Variants in SLC13A3 observed in about 807,000 individuals in gnomAD.
SLC13A3 encodes the protein solute carrier family 13 member 3, also known as Na(+)/dicarboxylate cotransporter 3.
A neutral mutation model predicts 59.0 loss-of-function variants in SLC13A3; 40 were observed. That is an observed-to-expected ratio of 0.68 (90% CI 0.53 to 0.88). The LOEUF (loss-of-function observed/expected upper bound fraction) is 0.88, where lower values mean the gene tolerates loss of function less well. SLC13A3 is among the 40% of genes least tolerant of loss of function. SLC13A3 has a pLI of 0.00. For missense variants in SLC13A3, 699 were observed against 783.2 expected (o/e 0.89, Z 1.28); for synonymous variants, 317 against 330.3 (o/e 0.96, Z 0.44).
chr20:46,573,628 G>A (rs1403691398), intron 10 of SLC13A3, among the ~76,000 whole-genome samples: 58 of 152,156 alleles, frequency 3.8e-4, no homozygotes, highest in Admixed American at 3.8e-3. Context: ...CTTCTTATCG[G>A]CTATATGTAT....
upstream of SLC13A3, among the ~76,000 whole-genome samples, chr20:46,674,084 G>C (rs928338978): frequency 6.6e-6 from 1 of 152,168 alleles, no homozygotes; most frequent in Non-Finnish European, 1.5e-5. Flanking sequence ...CAGTGGGAGA[G>C]AGTATGAGGG....
Position 46,651,345 on chromosome 20 carries a change from G to C in SLC13A3, c.77C>G (p.Ala26Gly). Residue 26 changes from alanine (A) to glycine (G), a missense_variant, in exon 1 of 13, where the codon GCG becomes GGG. By Grantham distance (60) the Ala-to-Gly change is moderately conservative. Transcript: ENST00000279027. Reference sequence around the variant, plus strand: ...GAGGGCGAAGACCACCGGCAGCAGCGCGAGCGGCGTGAACAGCAGCACCAG... The same window carrying C: ...GAGGGCGAAGACCACCGGCAGCAGCCCGAGCGGCGTGAACAGCAGCACCAG... ...RLLVLLFTPL[A>G]LLPVVFALPP... 6.6e-7 allele frequency: 1 copy of C among 1,514,516 alleles called. No homozygotes were observed. The highest frequency in any genetic ancestry group is 2.1e-5 in the Admixed American group (1 of 47,636). 93.8% of individuals were successfully genotyped at this position (1,514,516 alleles called of 1,614,324 possible). A position where few individuals can be genotyped will look rare whatever the true frequency, so the allele number is the denominator to read the frequency against.
chr20:46,589,130 T>C (rs2062226135), intron 7 of SLC13A3, 30 bp downstream of exon 7: 1 of 1,594,796 alleles, frequency 6.3e-7, no homozygotes, highest in Non-Finnish European at 8.6e-7. Flanking sequence ...AATACTCAGC[T>C]CTTTCCTTAA....
Position 46,558,779 on chromosome 20 carries a change from T to C in SLC13A3, c.*1243A>G, listed in dbSNP as rs1363546982. ...CCCTCAGAGGCTTAGGAAAGGGAAG[T>C]GTGACGAGTCAGGGCCCCTGGGCTG... On this transcript the variant is annotated 3_prime_UTR_variant, in exon 13 of 13. Transcript: ENST00000279027. The C allele has an allele frequency of 1.3e-5, 2 of 152,144 alleles. No homozygotes were observed. Among genetic ancestry groups the C allele is most frequent in the African/African-American group, 4.8e-5 (2 of 41,406 alleles). The allele number at this position is 152,144 out of a possible 1,614,324, so 9.4% of individuals were successfully genotyped here.
chr20:46,637,127 A>G (rs979436804), intron 1 of SLC13A3, among the ~76,000 whole-genome samples: 34 of 152,140 alleles, frequency 2.2e-4, no homozygotes, highest in African/African-American at 6.5e-4. Context: ...TATGTTTACC[A>G]TCATCCCAGC....
At chr20:46,598,924 C>T (rs983440015) in intron 4 of SLC13A3, among the ~76,000 whole-genome samples, 6 of 152,146 alleles carry the variant, frequency 3.9e-5, no homozygotes, top group African/African-American at 1.4e-4. Context: ...CTGGTCCACA[C>T]GCTGAGAACA....
chr20:46,637,333 T>C (rs1024234877), intron 1 of SLC13A3, among the ~76,000 whole-genome samples: 1 of 152,168 alleles, frequency 6.6e-6, no homozygotes, highest in African/African-American at 2.4e-5. Flanking sequence ...GACTTCGGGA[T>C]TTTGGCCAAG....
chr20:46,663,312 G>A (rs564769537), intron 1 of SLC13A3, among the ~76,000 whole-genome samples: 1 of 152,066 alleles, frequency 6.6e-6, no homozygotes, highest in South Asian at 2.1e-4. Flanking sequence ...GGCCATGGTG[G>A]TGCACGCCTG....
At chr20:46,607,785 C>G (rs1343379149) in intron 3 of SLC13A3, among the ~76,000 whole-genome samples, 1 of 152,178 alleles carries the variant, frequency 6.6e-6, no homozygotes, top group Non-Finnish European at 1.5e-5. Flanking sequence ...AGTCAGCCAG[C>G]CCGGATTCAA....
At chr20:46,626,682 C>A (rs1443963262) in intron 1 of SLC13A3, among the ~76,000 whole-genome samples, 1 of 152,152 alleles carries the variant, frequency 6.6e-6, no homozygotes, top group Non-Finnish European at 1.5e-5. Flanking sequence ...TGCTGCTGCC[C>A]CTCATCCCCT....
At chr20:46,604,656 T>C (rs2062418796) in intron 3 of SLC13A3, among the ~76,000 whole-genome samples, 1 of 152,124 alleles carries the variant, frequency 6.6e-6, no homozygotes. Flanking sequence ...TCATTTTTCC[T>C]GTGCCTGGAG....
chr20:46,671,457 G>A (rs1011074), upstream of SLC13A3, among the ~76,000 whole-genome samples: 28,254 of 151,868 alleles, frequency 0.19, 5,510 homozygotes, highest in African/African-American at 0.5. Context: ...TGAAAACCCA[G>A]CCTACAACAC....
rs555609021 is a variant in SLC13A3, at chr20:46,684,227, T to C, written c.-31+169A>G. On this transcript the variant is annotated intron_variant, in intron 1 of 6. Coordinates refer to the SLC13A3 transcript ENST00000372121. The stretch of plus-strand genomic sequence containing the variant: ...TTTCCTTCACATCTTCACTCATCAC[T>C]GTCTGAAACTGTCTTATGTTCCCCA... 167 of 152,490 alleles carry C rather than the reference T, an allele frequency of 1.1e-3. 1 individual carries two copies. The South Asian group carries it at 0.033, about 30-fold the overall frequency. The allele number at this position is 152,490 out of a possible 1,614,324, so 9.4% of individuals were successfully genotyped here.
At position 46,603,467 on chromosome 20, in the gene SLC13A3, C is replaced by G. The variant is rs570111321; in HGVS notation, c.542-3430G>C. On this transcript the variant is annotated intron_variant, in intron 3 of 12. Coordinates refer to ENST00000279027, the MANE Select transcript of SLC13A3 (RefSeq NM_022829.6). ...ACAGCTCACAACAGCCTCGACATAC[C>G]AGGCTCAAGTGATCCTCCCACCTCA... Among the ~76,000 whole-genome samples the G allele has an allele frequency of 1.1e-4, 17 of 152,086 alleles. No individual in the cohort carries two copies. In the South Asian group the frequency reaches 3.3e-3, roughly 30 times the overall value.
intron 10 of SLC13A3, among the ~76,000 whole-genome samples, chr20:46,569,429 G>T (rs186909151): frequency 2.9e-4 from 44 of 152,298 alleles, no homozygotes; most frequent in African/African-American, 9.9e-4. Flanking sequence ...AAGGGGCTCT[G>T]GAGTCAGACT....
chr20:46,619,853 G>T (rs1428089896), intron 1 of SLC13A3, among the ~76,000 whole-genome samples: 2 of 152,208 alleles, frequency 1.3e-5, no homozygotes, highest in Non-Finnish European at 2.9e-5. Context: ...GTTCACAGAA[G>T]AGCAGAACAG....
intron 1 of SLC13A3, among the ~76,000 whole-genome samples, chr20:46,633,614 T>TA (rs2062765898): frequency 6.6e-6 from 1 of 152,236 alleles, no homozygotes; most frequent in African/African-American, 2.4e-5. Flanking sequence ...ATACCACTGC[T>TA]ATCTGAGATA....
rs2061899819 is a variant in SLC13A3 at position 46,558,086 on chromosome 20, T to C, written c.*1936A>G. ...AAGAAGATAATAAGAAAATAAGTTA[T>C]ACAGTGTCCTATTAAGGAGAAATTA... is the stretch of plus-strand genomic sequence containing the variant. On this transcript the variant is annotated 3_prime_UTR_variant, in exon 13 of 13. Transcript: ENST00000279027. The C allele has an allele frequency of 2.8e-5, 1 of 36,326 alleles. No individual in the cohort carries two copies. Among genetic ancestry groups the C allele is most frequent in the Admixed American group, 2.6e-4 (1 of 3,872 alleles). The allele number at this position is 36,326 out of a possible 1,614,324, so 2.3% of individuals were successfully genotyped here.
At chr20:46,676,758 A>C (rs1487555030) in intron 1 of SLC13A3, among the ~76,000 whole-genome samples, 1 of 151,682 alleles carries the variant, frequency 6.6e-6, no homozygotes, top group Non-Finnish European at 1.5e-5. Context: ...GGCAGATCTG[A>C]ACTGAGATTT....
Sources: gnomAD v4.1 joint callset for allele counts (sites outside exome capture counted in the v4.1 genomes callset) on GRCh38, gnomAD v4.1.1 for gene constraint, MANE v1.5 for transcripts, NCBI Gene and HGNC (gene_info 2026-07-23, HGNC 2026-07-21) for gene names.